C1orf198: variants seen among roughly 807,000 people sequenced by gnomAD.
The protein encoded by C1orf198 is chromosome 1 open reading frame 198, also known as uncharacterized protein C1orf198.
C1orf198 carries 17 observed loss-of-function variants against 31.4 expected under a neutral mutation model. That is an observed-to-expected ratio of 0.54 (90% confidence interval 0.37 to 0.81). C1orf198 has a LOEUF of 0.81. Among genes scored for constraint, C1orf198 ranks in the 40% least tolerant of loss-of-function variants. The probability of loss-of-function intolerance (pLI) is 0.00; values close to 1 mark genes in which losing one functional copy is unlikely to be tolerated. For missense variants in C1orf198, 401 were observed against 450.3 expected (o/e 0.89, Z 0.99); for synonymous variants, 175 against 193.8 (o/e 0.90, Z 0.81).
At chr1:230,847,138 G>C (rs991093086) in intron 2 of C1orf198, among the ~76,000 whole-genome samples, 1 of 142,816 alleles carries the variant, frequency 7.0e-6, no homozygotes, top group Non-Finnish European at 1.5e-5. Flanking sequence ...AATCAGCCGG[G>C]CATGGCGACG....
intron 2 of C1orf198, among the ~76,000 whole-genome samples, chr1:230,854,553 C>T (rs1222150780): frequency 1.3e-5 from 2 of 152,180 alleles, no homozygotes. Context: ...AATGCCATGC[C>T]TTCCCCAAAA....
At chr1:230,860,724 T>C (rs1202574) in intron 1 of C1orf198, among the ~76,000 whole-genome samples, 58,993 of 152,106 alleles carry the variant, frequency 0.39, 12,653 homozygotes, top group Middle Eastern at 0.57. Flanking sequence ...TGGGGAGTTA[T>C]TGTTTAATAT....
intron 2 of C1orf198, among the ~76,000 whole-genome samples, chr1:230,847,027 C>T (rs1452119184): frequency 1.4e-5 from 2 of 145,042 alleles, no homozygotes; most frequent in Admixed American, 7.4e-5. Flanking sequence ...GGCGTGAACC[C>T]GGGAGGCGAA....
intron 1 of C1orf198, among the ~76,000 whole-genome samples, chr1:230,858,653 A>C (rs1572137440): frequency 6.6e-6 from 1 of 152,234 alleles, no homozygotes; most frequent in African/African-American, 2.4e-5. Flanking sequence ...GAGGAAGTGC[A>C]TGAACACCTG....
chr1:230,869,178 A>G (rs1670201617), upstream of C1orf198: 1 of 152,290 alleles, frequency 6.6e-6, no homozygotes. Context: ...GGTTCGGGGC[A>G]TCTGGTGCTC....
At chr1:230,866,196 C>T (rs1007617906) in intron 1 of C1orf198, among the ~76,000 whole-genome samples, 12 of 152,208 alleles carry the variant, frequency 7.9e-5, no homozygotes, top group Non-Finnish European at 1.6e-4. Flanking sequence ...CTACCTCTGG[C>T]GCAGTCCAGG....
At chr1:230,868,696 C>T (rs907967459), upstream of C1orf198, 7 of 270,878 alleles carry the variant, frequency 2.6e-5, no homozygotes, top group Admixed American at 5.9e-5. Context: ...GGCCCCCTCC[C>T]CGGGAGCTCC....
chr1:230,838,308 G>T lies in C1orf198; in HGVS notation c.*1544C>A, dbSNP rs1669353768. On this transcript the variant is annotated 3_prime_UTR_variant, in exon 4 of 4. Coordinates refer to ENST00000366663, the MANE Select transcript of C1orf198 (RefSeq NM_032800.3). The surrounding 1 kb of genome is among the most constrained non-coding windows in gnomAD (Gnocchi z 4.2). ...TTACAGTAAATCACTGAAGCAGAAA[G>T]ATAAAACTATACCCCAAGGATCCAA... The T allele has an allele frequency of 6.6e-6, 1 of 152,518 alleles. No individual in the cohort carries two copies. The highest frequency in any genetic ancestry group is 1.9e-4 in the East Asian group (1 of 5,184). 9.4% of individuals were successfully genotyped at this position (152,518 alleles called of 1,614,324 possible). A position where few individuals can be genotyped will look rare whatever the true frequency, so the allele number is the denominator to read the frequency against.
intron 2 of C1orf198, among the ~76,000 whole-genome samples, chr1:230,844,453 G>A (rs921469303): frequency 1.3e-5 from 2 of 152,166 alleles, no homozygotes; most frequent in South Asian, 2.1e-4. Context: ...TGTGCAGCCC[G>A]CAGAACCGTG....
chr1:230,867,045 A>C (rs1670136917), intron 1 of C1orf198, among the ~76,000 whole-genome samples: 1 of 152,198 alleles, frequency 6.6e-6, no homozygotes, highest in African/African-American at 2.4e-5. Context: ...CAAGCCTGAA[A>C]ATCTGATCTA....
chr1:230,847,592 C>A (rs998269424), intron 2 of C1orf198, among the ~76,000 whole-genome samples: 1 of 152,004 alleles, frequency 6.6e-6, no homozygotes, highest in African/African-American at 2.4e-5. Flanking sequence ...TGGAAGCTGC[C>A]GGGAGCAATG....
intron 2 of C1orf198, 30 bp downstream of exon 2, chr1:230,855,638 A>G: frequency 6.2e-7 from 1 of 1,605,214 alleles, no homozygotes; most frequent in Non-Finnish European, 8.5e-7. Context: ...TTTTAAAAGA[A>G]CAAATAGATC....
chr1:230,868,847 G>C (rs891548571), upstream of C1orf198: 1 of 156,932 alleles, frequency 6.4e-6, no homozygotes, highest in African/African-American at 2.4e-5. Flanking sequence ...CCCTGAGTCC[G>C]CGCCCGGCGC....
Position 230,843,772 on chromosome 1 carries a change from C to T in C1orf198, c.509G>A (p.Gly170Asp). 1 of 1,612,350 alleles carries T rather than the reference C, an allele frequency of 6.2e-7. No individual in the cohort carries two copies. Among genetic ancestry groups the T allele is most frequent in the Middle Eastern group, 1.7e-4 (1 of 6,052 alleles). Residue 170 changes from glycine to aspartate, a missense_variant, in exon 3 of 4, where the codon GGC (glycine) becomes GAC (aspartate). Gly to Asp is a moderately conservative substitution (Grantham distance 94). Transcript: ENST00000366663. This position sits in a 1 kb window ranked among gnomAD's most constrained non-coding sequence, Gnocchi z 4.9. ...GGCGTCCAGGCTGGAGGACCTGCTG[C>T]CTTGGGAGGACTTGAGGGCCTGGGA... ...QGSQALKSSQ[G>D]SRSSSLDALG...
chr1:230,868,138 C>G, intron 1 of C1orf198, 42 bp downstream of exon 1: 7 of 1,228,438 alleles, frequency 5.7e-6, no homozygotes, highest in Middle Eastern at 3.2e-4. Flanking sequence ...CGCCTCGGGG[C>G]GCCGGGAGGG....
At chr1:230,861,647 G>A (rs1171998378) in intron 1 of C1orf198, among the ~76,000 whole-genome samples, 1 of 152,154 alleles carries the variant, frequency 6.6e-6, no homozygotes, top group Admixed American at 6.5e-5. Context: ...GCCGGCTCCA[G>A]CATACCACAG....
At chr1:230,859,862 A>G (rs1213829204) in intron 1 of C1orf198, among the ~76,000 whole-genome samples, 1 of 152,188 alleles carries the variant, frequency 6.6e-6, no homozygotes, top group Non-Finnish European at 1.5e-5. Flanking sequence ...TTTTTTGCTC[A>G]TAGTGCTGGA....
At chr1:230,847,570 GT>G (rs1669627989) in intron 2 of C1orf198, among the ~76,000 whole-genome samples, 1 of 152,282 alleles carries the variant, frequency 6.6e-6, no homozygotes, top group African/African-American at 2.4e-5. Context: ...TGGCCACCAG[GT>G]ATGACATCCA....
At position 230,855,651 on chromosome 1, in the gene C1orf198, A is replaced by C; in HGVS notation, c.384+17T>G. ...CTTTTTAAAAGAACAAATAGATCTA[A>C]ATTTAATCCAACTTACCTTTGTTTC... On this transcript the variant is annotated intron_variant, in intron 2 of 3. Coordinates refer to ENST00000366663, the MANE Select transcript of C1orf198 (RefSeq NM_032800.3). 6.2e-7 allele frequency: 1 copy of C among 1,610,690 alleles called. No homozygotes were observed. Among genetic ancestry groups the C allele is most frequent in the Non-Finnish European group, 8.5e-7 (1 of 1,178,048 alleles).
Sources: gnomAD v4.1 joint callset for allele counts (sites outside exome capture counted in the v4.1 genomes callset) on GRCh38, gnomAD v4.1.1 for gene constraint, Gnocchi (gnomAD v3.1) non-coding constraint, MANE v1.5 for transcripts, NCBI Gene and HGNC (gene_info 2026-07-23, HGNC 2026-07-21) for gene names.